LIN28B: variants seen among roughly 807,000 people sequenced by gnomAD.
LIN28B encodes protein lin-28 homolog B.
A neutral mutation model predicts 21.9 loss-of-function variants in LIN28B; 5 were observed. The observed-to-expected ratio is 0.23, with a 90% confidence interval of 0.12 to 0.48. The LOEUF is 0.48. Among genes scored for constraint, LIN28B ranks in the 20% least tolerant of loss-of-function variants. LIN28B has a pLI of 0.98. For synonymous variants in LIN28B, 109 were observed against 111.3 expected (o/e 0.98, Z 0.13); for missense variants, 245 against 310.5 (o/e 0.79, Z 1.58).
intron 2 of LIN28B, among the ~76,000 whole-genome samples, chr6:104,944,139 T>G (rs1375601013): frequency 2.7e-5 from 4 of 149,582 alleles, no homozygotes; most frequent in Non-Finnish European, 6.0e-5. Flanking sequence ...ATTTTTTTTT[T>G]GCTTTTCACC....
chr6:105,077,229 A>AAT (rs893730642), intron 3 of LIN28B, among the ~76,000 whole-genome samples: 17 of 151,930 alleles, frequency 1.1e-4, no homozygotes, highest in East Asian at 5.8e-4. Context: ...CATCTCAAAA[A>AAT]ATATATATAT....
At chr6:105,000,300 TAC>T (rs1217973610) in intron 2 of LIN28B, among the ~76,000 whole-genome samples, 6 of 152,318 alleles carry the variant, frequency 3.9e-5, no homozygotes, top group African/African-American at 9.6e-5. Context: ...AAGTTTTCTA[TAC>T]ACACAGTTTT....
chr6:105,009,362 T>A (rs985779744), intron 2 of LIN28B, among the ~76,000 whole-genome samples: 1 of 152,232 alleles, frequency 6.6e-6, no homozygotes, highest in Admixed American at 6.5e-5. Flanking sequence ...AGCATTTCCC[T>A]GATCTCCAGA....
chr6:105,071,703 T>C (rs947655743), intron 3 of LIN28B, among the ~76,000 whole-genome samples: 1 of 152,332 alleles, frequency 6.6e-6, no homozygotes, highest in South Asian at 2.1e-4. Flanking sequence ...ATAATCTGAT[T>C]GCAATATTTC....
chr6:104,978,582 TA>T (rs1273806314), intron 2 of LIN28B, among the ~76,000 whole-genome samples: 2 of 151,856 alleles, frequency 1.3e-5, no homozygotes, highest in Non-Finnish European at 2.9e-5. Flanking sequence ...TTTTTTTAAT[TA>T]AAAAAATGTA....
At chr6:105,034,617 C>A (rs115448600) in intron 3 of LIN28B, among the ~76,000 whole-genome samples, 2 of 152,050 alleles carry the variant, frequency 1.3e-5, no homozygotes, top group African/African-American at 2.4e-5. Context: ...GTAGTCAGTA[C>A]TAAAATGGTA....
intron 2 of LIN28B, among the ~76,000 whole-genome samples, chr6:104,974,922 T>C (rs1347165905): frequency 6.6e-6 from 1 of 151,942 alleles, no homozygotes; most frequent in African/African-American, 2.4e-5. Flanking sequence ...CAGGTTCAAG[T>C]TGTTCTCCTG....
intron 2 of LIN28B, among the ~76,000 whole-genome samples, chr6:105,008,744 C>T (rs79792194): frequency 0.022 from 3,317 of 151,816 alleles, 129 homozygotes; most frequent in African/African-American, 0.077. Context: ...GTCTACATAG[C>T]GGAAGCAGTT....
chr6:104,975,656 CT>C (rs1037289742), intron 2 of LIN28B, among the ~76,000 whole-genome samples: 8 of 149,128 alleles, frequency 5.4e-5, no homozygotes, highest in Non-Finnish European at 6.0e-5. Flanking sequence ...CTTTTTTTTT[CT>C]TTTTTTTTGG....
chr6:105,034,193 T>C lies in LIN28B; in HGVS notation c.383+7711T>C, dbSNP rs188291058. ...CCTCCTTTTTAAATTCCGATTTTTT[T>C]AGAGTAGTGACTGTCTTTTTTGTTT... is the stretch of plus-strand genomic sequence containing the variant. On this transcript the variant is annotated intron_variant, in intron 3 of 3. Coordinates refer to ENST00000345080, the MANE Select transcript of LIN28B (RefSeq NM_001004317.4). 3.4e-3 allele frequency among the ~76,000 whole-genome samples: 524 copies of C among 152,026 alleles called. 4 individuals are homozygous for C. The highest frequency in any genetic ancestry group is 0.012 in the African/African-American group (495 of 41,566).
chr6:104,953,160 T>G (rs191337088), upstream of LIN28B, among the ~76,000 whole-genome samples: 34 of 152,196 alleles, frequency 2.2e-4, no homozygotes, highest in African/African-American at 7.0e-4. Context: ...CAGAGAGAGA[T>G]CCCGAAAATC....
chr6:104,971,684 C>T (rs1215856548), intron 2 of LIN28B, among the ~76,000 whole-genome samples: 2 of 152,074 alleles, frequency 1.3e-5, no homozygotes, highest in Non-Finnish European at 2.9e-5. Flanking sequence ...TTAAAATTTA[C>T]AGCAATTGAT....
intron 3 of LIN28B, among the ~76,000 whole-genome samples, chr6:105,038,745 A>G (rs558924573): frequency 7.9e-5 from 12 of 152,356 alleles, no homozygotes; most frequent in Middle Eastern, 3.4e-3. Context: ...ATTAATATCC[A>G]AAAAGCACTA....
intron 3 of LIN28B, among the ~76,000 whole-genome samples, chr6:105,039,002 C>G (rs1208464148): frequency 2.0e-5 from 3 of 152,142 alleles, no homozygotes; most frequent in Non-Finnish European, 2.9e-5. Flanking sequence ...GAAGATTGTT[C>G]ATATCTTTTT....
chr6:105,054,332 A>G (rs936551149), intron 3 of LIN28B, among the ~76,000 whole-genome samples: 9 of 152,218 alleles, frequency 5.9e-5, no homozygotes, highest in Admixed American at 4.6e-4. Context: ...AAATGTAACA[A>G]TGCTACCAAA....
intron 3 of LIN28B, among the ~76,000 whole-genome samples, chr6:105,077,766 T>C (rs568036446): frequency 1.3e-5 from 2 of 152,374 alleles, no homozygotes; most frequent in Admixed American, 1.3e-4. Flanking sequence ...TTTACTCTAT[T>C]GCTCTAAAAT....
intron 2 of LIN28B, among the ~76,000 whole-genome samples, chr6:105,005,469 CTT>C (rs1439919724): frequency 6.6e-6 from 1 of 152,002 alleles, no homozygotes; most frequent in South Asian, 2.1e-4. Context: ...CTTTTTTACT[CTT>C]TGATATGGTT....
chr6:105,076,875 A>G (rs1582936045), intron 3 of LIN28B, among the ~76,000 whole-genome samples: 1 of 151,544 alleles, frequency 6.6e-6, no homozygotes, highest in East Asian at 2.0e-4. Context: ...AAGTGCTGGG[A>G]TTACAAGCGT....
At chr6:104,979,348 C>T (rs986369412) in intron 2 of LIN28B, among the ~76,000 whole-genome samples, 2 of 151,940 alleles carry the variant, frequency 1.3e-5, no homozygotes, top group Admixed American at 6.6e-5. Context: ...TAGCTGATTA[C>T]AGGTGTGCGC....
Sources: gnomAD v4.1 joint callset for allele counts (sites outside exome capture counted in the v4.1 genomes callset) on GRCh38, gnomAD v4.1.1 for gene constraint, MANE v1.5 for transcripts, NCBI Gene and HGNC (gene_info 2026-07-23, HGNC 2026-07-21) for gene names.